METTL6: variants seen among roughly 807,000 people sequenced by gnomAD.
METTL6 encodes tRNA N(3)-cytidine methyltransferase METTL6.
Under a neutral mutation model 26.4 loss-of-function variants are expected in METTL6, and 22 were observed. That is an observed-to-expected ratio of 0.83 (90% CI 0.59 to 1.19). METTL6 has a LOEUF of 1.19. METTL6 is among the 50% of genes most tolerant of loss of function. The pLI, the probability that METTL6 is intolerant of heterozygous loss-of-function variation, is 0.00. For missense variants in METTL6, 304 were observed against 324.8 expected, an observed-to-expected ratio of 0.94 and a Z score of 0.49; for synonymous variants, 109 against 116.2, an observed-to-expected ratio of 0.94 and a Z score of 0.40.
At chr3:15,391,527 A>G (rs576182526) in intron 6 of METTL6, among the ~76,000 whole-genome samples, 1 of 152,074 alleles carries the variant, frequency 6.6e-6, no homozygotes, top group Non-Finnish European at 1.5e-5. Flanking sequence ...ATTATACTTT[A>G]AGTTTTAGGG....
At chr3:15,415,319 A>G (rs1163868460) in intron 4 of METTL6, among the ~76,000 whole-genome samples, 2 of 152,248 alleles carry the variant, frequency 1.3e-5, no homozygotes, top group Non-Finnish European at 2.9e-5. Flanking sequence ...TGATCTGCCA[A>G]TGATCATACA....
Position 15,410,897 on chromosome 3 carries a change from T to TTTTATTTA in METTL6, c.*351_*358dup, listed in dbSNP as rs1465218203. 1.8e-5 allele frequency: 3 copies of TTTTATTTA among 169,396 alleles called. No homozygotes were observed. The East Asian group carries it at 5.2e-4, about 29-fold the overall frequency. 10.5% of individuals were successfully genotyped at this position (169,396 alleles called of 1,614,324 possible). The stretch of plus-strand genomic sequence containing the variant: ...AAAATATATAAAGTAAAAAGAGTGA[T>TTTTATTTA]TTTATTTATTTATGAAACAGGGTCT... On this transcript the variant is annotated 3_prime_UTR_variant, in exon 6 of 6. Coordinates refer to ENST00000383790, the MANE Select transcript of METTL6 (RefSeq NM_152396.4).
At chr3:15,401,127 C>G (rs1189781220) in intron 6 of METTL6, among the ~76,000 whole-genome samples, 2 of 152,216 alleles carry the variant, frequency 1.3e-5, no homozygotes, top group African/African-American at 2.4e-5. Context: ...GCAAGCTCCA[C>G]CTTCCGGGTT....
downstream of METTL6, among the ~76,000 whole-genome samples, chr3:15,409,370 G>GTT (rs1699885810): frequency 6.6e-6 from 1 of 152,158 alleles, no homozygotes; most frequent in Non-Finnish European, 1.5e-5. Flanking sequence ...GGCTCAACTC[G>GTT]TGAGCAGAAC....
chr3:15,416,954 G>T (rs1255818317), intron 3 of METTL6, among the ~76,000 whole-genome samples: 1 of 152,150 alleles, frequency 6.6e-6, no homozygotes, highest in Non-Finnish European at 1.5e-5. Flanking sequence ...ACTAGACAGG[G>T]TGAATCTAAT....
Position 15,409,788 on chromosome 3 carries a change from T to C in METTL6, c.*1468A>G, listed in dbSNP as rs912332052. Among the ~76,000 whole-genome samples the C allele has an allele frequency of 2.6e-5, 4 of 152,154 alleles. No homozygotes were observed. Among genetic ancestry groups the C allele is most frequent in the African/African-American group, 9.7e-5 (4 of 41,412 alleles). ...TTCTTGAGCACAGACAGAGCAAAAG[T>C]GGTATTTGTGGAACACTGGTTTTGA... On this transcript the variant is annotated 3_prime_UTR_variant, in exon 6 of 6. Transcript: ENST00000383790.
intron 3 of METTL6, among the ~76,000 whole-genome samples, chr3:15,423,319 G>C: frequency 6.6e-6 from 1 of 152,240 alleles, no homozygotes; most frequent in Admixed American, 6.5e-5. Flanking sequence ...CTTGAACCCA[G>C]GAGGTGGAGG....
rs115952434 is a variant in METTL6 at position 15,427,483 on chromosome 3, G to A, written c.-206C>T. 449 of 464,218 alleles carry A rather than the reference G, an allele frequency of 9.7e-4. 3 individuals carry two copies. The highest frequency in any genetic ancestry group is 3.2e-3 in the South Asian group (150 of 46,858). 28.8% of individuals were successfully genotyped at this position (464,218 alleles called of 1,614,324 possible). On this transcript the variant is annotated 5_prime_UTR_variant, in exon 1 of 6. Transcript: ENST00000383790. ...ACCCTAAACCAATTCTGAGGACCAC[G>A]AATTCGGATTATCCGGGAGTTCTTT...
downstream of METTL6, among the ~76,000 whole-genome samples, chr3:15,405,633 A>G (rs1264751311): frequency 6.6e-6 from 1 of 152,244 alleles, no homozygotes; most frequent in African/African-American, 2.4e-5. Context: ...CTTGTGGTAC[A>G]ACATTCAAAT....
chr3:15,426,449 T>C lies in METTL6; in HGVS notation c.63A>G (p.Lys21=), dbSNP rs1379726026. 1.4e-5 allele frequency: 23 copies of C among 1,614,136 alleles called. No individual in the cohort carries two copies. The highest frequency in any genetic ancestry group is 1.6e-4 in the Middle Eastern group (1 of 6,084). Residue 21 remains lysine, a synonymous_variant, in exon 2 of 6, where the codon AAA becomes AAG. Coordinates refer to ENST00000383790, the MANE Select transcript of METTL6 (RefSeq NM_152396.4). The part of the protein sequence containing the change: ...ARILTSEEEE[K]LKRDQTLVSD... Reference sequence around the variant, plus strand: ...ACACCAAAGTTTGGTCTCTTTTCAGTTTCTCCTCTTCTTCAGAGGTGAGAA... The same window carrying C: ...ACACCAAAGTTTGGTCTCTTTTCAGCTTCTCCTCTTCTTCAGAGGTGAGAA...
chr3:15,413,911 T>C (rs924369822), intron 5 of METTL6, 110 bp downstream of exon 5: 2 of 1,567,408 alleles, frequency 1.3e-6, no homozygotes, highest in Non-Finnish European at 1.7e-6. Context: ...TGTTTCAGGG[T>C]CTCGTGCACA....
chr3:15,399,450 G>A (rs1394924660), intron 6 of METTL6: 4 of 150,166 alleles, frequency 2.7e-5, no homozygotes, highest in East Asian at 1.9e-4. Context: ...ATCCCTTTCC[G>A]GTAACAATTG....
At chr3:15,425,482 GC>G (rs1255063011) in intron 2 of METTL6, among the ~76,000 whole-genome samples, 14 of 152,196 alleles carry the variant, frequency 9.2e-5, no homozygotes, top group Admixed American at 9.2e-4. Flanking sequence ...GTAGAAAACA[GC>G]CATGGTAAAT....
chr3:15,424,754 T>C (rs1471529784), intron 3 of METTL6, among the ~76,000 whole-genome samples: 1 of 152,238 alleles, frequency 6.6e-6, no homozygotes, highest in Non-Finnish European at 1.5e-5. Context: ...GTTATTATGG[T>C]ATTTTTTCCT....
chr3:15,395,273 T>C (rs1219161136), intron 6 of METTL6, among the ~76,000 whole-genome samples: 2 of 152,214 alleles, frequency 1.3e-5, no homozygotes, highest in African/African-American at 2.4e-5. Context: ...TTGTCTCTTT[T>C]GATCTTTGTT....
chr3:15,394,551 G>T (rs1441868492), intron 6 of METTL6, among the ~76,000 whole-genome samples: 2 of 152,100 alleles, frequency 1.3e-5, no homozygotes, highest in African/African-American at 4.8e-5. Flanking sequence ...TTTTGAATAT[G>T]TTTGCTCTTG....
intron 3 of METTL6, among the ~76,000 whole-genome samples, chr3:15,424,751 T>C (rs371259118): frequency 6.6e-6 from 1 of 152,246 alleles, no homozygotes; most frequent in Admixed American, 6.5e-5. Context: ...GATGTTATTA[T>C]GGTATTTTTT....
intron 3 of METTL6, among the ~76,000 whole-genome samples, chr3:15,419,039 A>C (rs1351730335): frequency 6.6e-6 from 1 of 152,130 alleles, no homozygotes; most frequent in African/African-American, 2.4e-5. Flanking sequence ...ATGGTGGTGC[A>C]TGCCCATGGT....
Position 15,385,354 on chromosome 3 carries a change from T to C in METTL6, c.*12-1167A>G, listed in dbSNP as rs569775337. Among the ~76,000 whole-genome samples, 15 of 152,256 alleles carry C rather than the reference T, an allele frequency of 9.9e-5. No homozygotes were observed. The South Asian group carries it at 1.0e-3, about 11-fold the overall frequency. On this transcript the variant is annotated intron_variant, in intron 6 of 6. Coordinates refer to the METTL6 transcript ENST00000443029. ...GGCTCACACCTGTAATCTCAGCGCT[T>C]TGGGAGGCCGAGGTGGGCGGATCAT...
Sources: allele counts gnomAD v4.1 joint callset (sites outside exome capture counted in the v4.1 genomes callset), GRCh38; gene constraint gnomAD v4.1.1; transcripts MANE v1.5; gene names NCBI Gene and HGNC (gene_info 2026-07-23, HGNC 2026-07-21).